Variants in CCDC32 observed in about 807,000 individuals in gnomAD.
The protein encoded by CCDC32 is coiled-coil domain containing 32.
CCDC32 carries 9 observed loss-of-function variants against 20.1 expected under a neutral mutation model. The ratio of observed to expected loss-of-function variants is 0.45; its 90% confidence interval spans 0.27 to 0.78. The LOEUF (loss-of-function observed/expected upper bound fraction) is 0.78, where lower values mean the gene tolerates loss of function less well. Ranked by LOEUF, CCDC32 falls within the 30% of genes least tolerant of loss-of-function variation. The pLI is 0.16. For synonymous variants in CCDC32, 63 were observed against 79.0 expected, an observed-to-expected ratio of 0.80 and a Z score of 1.07; for missense variants, 204 against 215.5, an observed-to-expected ratio of 0.95 and a Z score of 0.33.
intron 3 of CCDC32, among the ~76,000 whole-genome samples, chr15:40,542,064 G>A (rs1332021395): frequency 6.6e-6 from 1 of 152,204 alleles, no homozygotes; most frequent in South Asian, 2.1e-4. Flanking sequence ...TTTCATAATT[G>A]GAAAGGACCT....
At chr15:40,538,008 C>G (rs1889201937), downstream of CCDC32, 1 of 152,210 alleles carries the variant, frequency 6.6e-6, no homozygotes, top group African/African-American at 2.4e-5. Context: ...GTAATCAGCA[C>G]TCATTTCAAA....
downstream of CCDC32, chr15:40,538,125 G>A (rs999032847): frequency 1.3e-5 from 2 of 152,206 alleles, no homozygotes; most frequent in Admixed American, 6.5e-5. Flanking sequence ...TTCTCCAAGG[G>A]GATTTGGGGA....
chr15:40,564,618 G>C (rs1039941484), intron 1 of CCDC32: 5 of 1,093,780 alleles, frequency 4.6e-6, no homozygotes, highest in Non-Finnish European at 5.5e-6. Flanking sequence ...TCTGAATAAT[G>C]CCAGGAGACA....
chr15:40,529,663 T>C (rs1343984865), intron 3 of CCDC32: 2 of 149,956 alleles, frequency 1.3e-5, no homozygotes, highest in Non-Finnish European at 3.0e-5. Flanking sequence ...TGGATGGTTT[T>C]TTTTTTTTTT....
chr15:40,528,896 C>T, intron 3 of CCDC32: 1 of 638,736 alleles, frequency 1.6e-6, no homozygotes, highest in East Asian at 2.7e-5. Context: ...AGACTCGTGT[C>T]TAACCACCTC....
downstream of CCDC32, chr15:40,528,567 C>T (rs1041020100): frequency 1.2e-5 from 7 of 571,638 alleles, no homozygotes; most frequent in Admixed American, 2.3e-4. Flanking sequence ...GTAGAGGCTG[C>T]AAAGAGTCCA....
chr15:40,533,534 C>T (rs562423599), downstream of CCDC32, among the ~76,000 whole-genome samples: 12 of 151,878 alleles, frequency 7.9e-5, no homozygotes, highest in South Asian at 1.0e-3. Context: ...TTAGTAGAGA[C>T]GGAGTTTCAC....
chr15:40,545,275 A>T (rs1452756089), intron 3 of CCDC32, among the ~76,000 whole-genome samples: 2 of 152,146 alleles, frequency 1.3e-5, no homozygotes, highest in Non-Finnish European at 2.9e-5. Flanking sequence ...TGGTCCTGGA[A>T]ATATCTGTTC....
intron 3 of CCDC32, among the ~76,000 whole-genome samples, chr15:40,547,922 A>G (rs1340409170): frequency 6.6e-6 from 1 of 152,226 alleles, no homozygotes; most frequent in Non-Finnish European, 1.5e-5. Flanking sequence ...TCGTGTCTAG[A>G]ATCCTATTCA....
chr15:40,529,602 T>C (rs1040137827), intron 3 of CCDC32: 3 of 151,922 alleles, frequency 2.0e-5, no homozygotes, highest in African/African-American at 7.2e-5. Context: ...ATACTAAAAT[T>C]GGAACATACA....
downstream of CCDC32, among the ~76,000 whole-genome samples, chr15:40,551,336 G>C (rs1244390770): frequency 6.6e-6 from 1 of 151,940 alleles, no homozygotes; most frequent in African/African-American, 2.4e-5. Context: ...GAGCCAAGAT[G>C]GCGCCACTGC....
downstream of CCDC32, chr15:40,535,366 C>A: frequency 1.8e-6 from 2 of 1,092,658 alleles, no homozygotes; most frequent in Admixed American, 4.7e-5. Context: ...CTGCACTGAA[C>A]AGAAATATTA....
At chr15:40,555,581 A>G (rs746522779) in intron 3 of CCDC32, among the ~76,000 whole-genome samples, 2 of 152,174 alleles carry the variant, frequency 1.3e-5, no homozygotes, top group Non-Finnish European at 2.9e-5. Flanking sequence ...AAAAGAGCAA[A>G]ATGTATATAA....
chr15:40,563,831 T>C (rs1257736200), intron 1 of CCDC32, among the ~76,000 whole-genome samples: 248 of 151,798 alleles, frequency 1.6e-3, no homozygotes, highest in African/African-American at 5.5e-3. Context: ...TCTTTCTTTT[T>C]TTTTTTTGAG....
At chr15:40,554,737 C>T (rs1474486010) in intron 3 of CCDC32, among the ~76,000 whole-genome samples, 2 of 152,138 alleles carry the variant, frequency 1.3e-5, no homozygotes, top group Admixed American at 1.3e-4. Flanking sequence ...TTGTTTGGAT[C>T]TGTAGGGAGA....
At chr15:40,522,040 T>C in the CCDC32 span, among the ~76,000 whole-genome samples, 1 of 152,160 alleles carries the variant, frequency 6.6e-6, no homozygotes, top group Non-Finnish European at 1.5e-5. Flanking sequence ...ATTATTCCTA[T>C]ATTTTCTTCC....
downstream of CCDC32, among the ~76,000 whole-genome samples, chr15:40,549,680 T>A (rs183435447): frequency 6.6e-6 from 1 of 152,336 alleles, no homozygotes; most frequent in Non-Finnish European, 1.5e-5. Flanking sequence ...CAAATATTGG[T>A]TAGATGAATG....
At chr15:40,559,675 T>C (rs971105309) in intron 2 of CCDC32, among the ~76,000 whole-genome samples, 1 of 152,240 alleles carries the variant, frequency 6.6e-6, no homozygotes, top group Non-Finnish European at 1.5e-5. Context: ...CCCTTTTGTT[T>C]TTGCAAGATA....
At chr15:40,550,904 C>A (rs1478360045), downstream of CCDC32, among the ~76,000 whole-genome samples, 1 of 152,130 alleles carries the variant, frequency 6.6e-6, no homozygotes, top group African/African-American at 2.4e-5. Flanking sequence ...AGAATCTTGC[C>A]TGAATGACAG....
Sources: gnomAD v4.1 joint callset for allele counts (sites outside exome capture counted in the v4.1 genomes callset) on GRCh38, gnomAD v4.1.1 for gene constraint, MANE v1.5 for transcripts, NCBI Gene and HGNC (gene_info 2026-07-23, HGNC 2026-07-21) for gene names.